The following CPAMD8 variants were observed in gnomAD, a reference collection of about 807,000 sequenced individuals.
CPAMD8 encodes C3 and PZP-like alpha-2-macroglobulin domain-containing protein 8.
In CPAMD8, 146 loss-of-function variants were observed where a neutral mutation model predicts 224.7. That is an observed-to-expected ratio of 0.65 (90% CI 0.57 to 0.75). The LOEUF (loss-of-function observed/expected upper bound fraction) is 0.75. Ranked by LOEUF, CPAMD8 falls within the 30% of genes least tolerant of loss-of-function variation. The pLI, the probability that CPAMD8 is intolerant of heterozygous loss-of-function variation, is 0.00. For missense variants in CPAMD8, 2,301 were observed against 2,537.5 expected (o/e 0.91, Z 2.00); for synonymous variants, 966 against 1,044.6 (o/e 0.92, Z 1.45).
At chr19:16,925,861 C>G (rs2053340334) in intron 25 of CPAMD8, among the ~76,000 whole-genome samples, 1 of 152,088 alleles carries the variant, frequency 6.6e-6, no homozygotes, top group Admixed American at 6.6e-5. Flanking sequence ...TCAAGCAACT[C>G]TCCTGCCTCA....
chr19:17,009,502 A>C, intron 5 of CPAMD8, 182 bp from the exon 6 acceptor site: 1 of 1,056,778 alleles, frequency 9.5e-7, no homozygotes, highest in Non-Finnish European at 1.3e-6. Context: ...GACTCATTAC[A>C]GGTGGCTCAT....
intron 19 of CPAMD8, among the ~76,000 whole-genome samples, chr19:16,957,354 T>C (rs1048157241): frequency 6.6e-6 from 1 of 152,222 alleles, no homozygotes; most frequent in Admixed American, 6.5e-5. Context: ...ATTGGTGCTC[T>C]AACGCTGAGC....
chr19:16,988,763 A>T (rs2055835552), intron 13 of CPAMD8, among the ~76,000 whole-genome samples: 1 of 152,180 alleles, frequency 6.6e-6, no homozygotes, highest in African/African-American at 2.4e-5. Flanking sequence ...CCCCAGGGCC[A>T]TGGACCAGTA....
At chr19:16,967,884 C>T (rs1476899801) in intron 18 of CPAMD8, among the ~76,000 whole-genome samples, 1 of 85,622 alleles carries the variant, frequency 1.2e-5, no homozygotes, top group Non-Finnish European at 2.4e-5. Context: ...TGCATATATA[C>T]ACACACATGT....
chr19:16,898,537 ATCATCACCTC>A lies in CPAMD8; in HGVS notation c.4849-553_4849-544del, dbSNP rs2052124725. On this transcript the variant is annotated intron_variant, in intron 37 of 41. Coordinates refer to ENST00000443236, the MANE Select transcript of CPAMD8 (RefSeq NM_015692.5). The surrounding 1 kb of genome is among the most constrained non-coding windows in gnomAD (Gnocchi z 4.2). Reference sequence around the variant, plus strand: ...GTCAGCACATTCACGATACTGTGCAATCATCACCTCTGTCTAGTTACAGAACGGTTTCTTT... The same window carrying A: ...GTCAGCACATTCACGATACTGTGCAATGTCTAGTTACAGAACGGTTTCTTT... Among the ~76,000 whole-genome samples the A allele has an allele frequency of 1.3e-5, 2 of 152,042 alleles. No homozygotes were observed. Among genetic ancestry groups the A allele is most frequent in the African/African-American group, 4.8e-5 (2 of 41,386 alleles).
intron 7 of CPAMD8, among the ~76,000 whole-genome samples, chr19:17,007,389 AGAAGGAG>A (rs780507368): frequency 6.6e-6 from 1 of 151,948 alleles, no homozygotes; most frequent in African/African-American, 2.4e-5. Context: ...AGAAGAAAGA[AGAAGGAG>A]GAAGGAGGAA....
chr19:16,898,537 A>G lies in CPAMD8; in HGVS notation c.4849-543T>C, dbSNP rs565828194. 1.7e-4 allele frequency among the ~76,000 whole-genome samples: 26 copies of G among 152,160 alleles called. No individual in the cohort carries two copies. In the East Asian group the frequency reaches 5.0e-3, roughly 29 times the overall value. On this transcript the variant is annotated intron_variant, in intron 37 of 41. Coordinates refer to ENST00000443236, the MANE Select transcript of CPAMD8 (RefSeq NM_015692.5). The surrounding 1 kb of genome is among the most constrained non-coding windows in gnomAD (Gnocchi z 4.2). ...GTCAGCACATTCACGATACTGTGCA[A>G]TCATCACCTCTGTCTAGTTACAGAA...
At chr19:16,945,807 A>AT in intron 21 of CPAMD8, 128 bp from the exon 22 acceptor site, 1 of 842,658 alleles carries the variant, frequency 1.2e-6, no homozygotes, top group Admixed American at 1.9e-5. Flanking sequence ...GTGTGTGTAT[A>AT]TGCAGATGTG....
At chr19:16,907,280 C>A (rs1599671471) in intron 29 of CPAMD8, among the ~76,000 whole-genome samples, 163 bp from the exon 30 acceptor site, 1 of 149,384 alleles carries the variant, frequency 6.7e-6, no homozygotes, top group East Asian at 2.0e-4. Flanking sequence ...AATTTTCAAA[C>A]CCCATCTCCT....
chr19:16,906,246 G>C (rs1409485671), intron 30 of CPAMD8, among the ~76,000 whole-genome samples: 2 of 152,062 alleles, frequency 1.3e-5, no homozygotes, highest in African/African-American at 4.8e-5. Flanking sequence ...AAGGCATCTC[G>C]TCAGTTTCCC....
intron 25 of CPAMD8, among the ~76,000 whole-genome samples, chr19:16,927,347 T>A (rs4808058): frequency 6.6e-6 from 1 of 152,110 alleles, no homozygotes. Flanking sequence ...CCTGGGACCA[T>A]GTAAGACGTA....
chr19:17,023,213 C>T (rs2057002865), intron 1 of CPAMD8, among the ~76,000 whole-genome samples: 1 of 152,076 alleles, frequency 6.6e-6, no homozygotes, highest in Non-Finnish European at 1.5e-5. Context: ...AGGCATTACC[C>T]CCAGTTTCCC....
chr19:16,903,078 G>A (rs2052327558), intron 34 of CPAMD8, among the ~76,000 whole-genome samples: 1 of 152,136 alleles, frequency 6.6e-6, no homozygotes, highest in Admixed American at 6.5e-5. Context: ...ATGGATCTGG[G>A]GTGCAGAGCT....
At position 17,026,764 on chromosome 19, in the gene CPAMD8, C is replaced by A. The variant is rs1302942919; in HGVS notation, c.-122G>T. 16 of 1,176,570 alleles carry A rather than the reference C, an allele frequency of 1.4e-5. No homozygotes were observed. Among genetic ancestry groups the A allele is most frequent in the African/African-American group, 4.8e-5 (3 of 61,934 alleles). 72.9% of individuals were successfully genotyped at this position (1,176,570 alleles called of 1,614,324 possible). A position where few individuals can be genotyped will look rare whatever the true frequency, so the allele number is the denominator to read the frequency against. The stretch of plus-strand genomic sequence containing the variant: ...GGGGGCCCTTTGTTCGCAGCCCCCG[C>A]GCAGTGCGCCCGGCGCCATGCGCCC... On this transcript the variant is annotated 5_prime_UTR_variant, in exon 1 of 42. Transcript: ENST00000443236.
intron 41 of CPAMD8, chr19:16,895,629 GCA>G (rs2051931104): frequency 3.0e-6 from 1 of 338,284 alleles, no homozygotes; most frequent in Non-Finnish European, 5.9e-6. Flanking sequence ...TGAGGAAACC[GCA>G]CACTGTTAAC....
chr19:16,897,594 C>G (rs1462674445), intron 39 of CPAMD8, 97 bp downstream of exon 39: 1 of 673,996 alleles, frequency 1.5e-6, no homozygotes, highest in African/African-American at 1.9e-5. Flanking sequence ...GGCCCCTCCT[C>G]TGCCAAGCCC....
Position 16,893,167 on chromosome 19 carries a change from C to G in CPAMD8, c.5599G>C (p.Ala1867Pro). The G allele has an allele frequency of 6.3e-7, 1 of 1,593,788 alleles. No individual in the cohort carries two copies. Among genetic ancestry groups the G allele is most frequent in the Non-Finnish European group, 8.6e-7 (1 of 1,163,660 alleles). ...CCCTCCTCCCCACCACTCTGAAAGG[C>G]TGGGCTGTAGACGAAGACAGGGCTC... ...LLSPVFVYSP[A>P]FQSGGEEGLW... The change falls in exon 42 of 42, where the codon GCC becomes CCC. Residue 1867 changes from alanine (A) to proline (P), a missense_variant. Coordinates refer to ENST00000443236, the MANE Select transcript of CPAMD8 (RefSeq NM_015692.5).
At chr19:16,895,855 C>T (rs1036458936) in intron 41 of CPAMD8, 21 of 518,784 alleles carry the variant, frequency 4.0e-5, no homozygotes, top group Middle Eastern at 7.6e-4. Context: ...GTCCCCCCAG[C>T]ATTTCGGATA....
intron 14 of CPAMD8, among the ~76,000 whole-genome samples, chr19:16,980,055 A>G (rs375397524): frequency 9.2e-5 from 14 of 152,238 alleles, no homozygotes; most frequent in African/African-American, 2.9e-4. Context: ...ATATATGTCT[A>G]TAGTGCTCAA....
Sources: gnomAD v4.1 joint callset for allele counts (sites outside exome capture counted in the v4.1 genomes callset) on GRCh38, gnomAD v4.1.1 for gene constraint, Gnocchi (gnomAD v3.1) non-coding constraint, MANE v1.5 for transcripts, NCBI Gene and HGNC (gene_info 2026-07-23, HGNC 2026-07-21) for gene names.